OR11A1: variants seen among roughly 807,000 people sequenced by gnomAD.
OR11A1 encodes olfactory receptor family 11 subfamily A member 1.
For missense variants in OR11A1, 380 were observed against 378.2 expected (o/e 1.00, Z -0.04); for synonymous variants, 158 against 152.2 (o/e 1.04, Z -0.28).
intron 1 of OR11A1, among the ~76,000 whole-genome samples, chr6:29,445,109 C>T (rs1045744487): frequency 2.6e-5 from 4 of 152,306 alleles, no homozygotes; most frequent in African/African-American, 9.6e-5. Flanking sequence ...TGGTTTCAAG[C>T]GATTCTCCTG....
chr6:29,439,059 A>G (rs1331578223), intron 1 of OR11A1, among the ~76,000 whole-genome samples: 1 of 152,200 alleles, frequency 6.6e-6, no homozygotes, highest in African/African-American at 2.4e-5. Context: ...ATTCAAGTGT[A>G]TCTTTGGGTG....
At chr6:29,442,859 C>T (rs1451328394) in intron 1 of OR11A1, among the ~76,000 whole-genome samples, 1 of 152,150 alleles carries the variant, frequency 6.6e-6, no homozygotes, top group Non-Finnish European at 1.5e-5. Context: ...AATCTTATCC[C>T]CAAGCTAAAG....
rs927762131 is a variant in OR11A1 at position 29,427,296 on chromosome 6, G to A, written c.346C>T (p.Leu116=). The stretch of plus-strand genomic sequence containing the variant: ...TAGCGGTCATATGCCATGACAGCCA[G>A]CAGTAAGCATTCAGCTGTGGCTAGA... ...GSLATAECLL[L]AVMAYDRYLA... Residue 116 remains leucine (L), a synonymous_variant, in exon 5 of 5, where the codon CTG becomes TTG. Coordinates refer to ENST00000377149, the MANE Select transcript of OR11A1 (RefSeq NM_001394828.1). 1.2e-6 allele frequency: 2 copies of A among 1,613,142 alleles called. No homozygotes were observed. Among genetic ancestry groups the A allele is most frequent in the Non-Finnish European group, 1.7e-6 (2 of 1,180,032 alleles).
rs1248869435 is a variant in OR11A1 at position 29,426,445 on chromosome 6, G to T, written c.*249C>A. The T allele has an allele frequency of 4.2e-6, 2 of 476,474 alleles. No homozygotes were observed. The highest frequency in any genetic ancestry group is 9.8e-5 in the South Asian group (2 of 20,350). 29.5% of individuals were successfully genotyped at this position (476,474 alleles called of 1,614,324 possible). A position where few individuals can be genotyped will look rare whatever the true frequency, so the allele number is the denominator to read the frequency against. On this transcript the variant is annotated 3_prime_UTR_variant, in exon 5 of 5. Coordinates refer to ENST00000377149, the MANE Select transcript of OR11A1 (RefSeq NM_001394828.1). Reference sequence around the variant, plus strand: ...AATGAGTACTAGGCTTAATACCTGGGTGATGAAATAATCTGTACAGTAAAC... The same window carrying T: ...AATGAGTACTAGGCTTAATACCTGGTTGATGAAATAATCTGTACAGTAAAC...
rs765372900 is a variant in OR11A1, at chr6:29,426,464, A to G, written c.*230T>C. 1.2e-4 allele frequency: 62 copies of G among 536,408 alleles called. No homozygotes were observed. The highest frequency in any genetic ancestry group is 1.9e-4 in the Non-Finnish European group (57 of 303,236). The allele number at this position is 536,408 out of a possible 1,614,324, so 33.2% of individuals were successfully genotyped here. A position where few individuals can be genotyped will look rare whatever the true frequency, so the allele number is the denominator to read the frequency against. On this transcript the variant is annotated 3_prime_UTR_variant, in exon 5 of 5. Coordinates refer to ENST00000377149, the MANE Select transcript of OR11A1 (RefSeq NM_001394828.1). ...ACCTGGGTGATGAAATAATCTGTAC[A>G]GTAAACCCCCATGACACAAGTTTAC...
At chr6:29,439,367 G>A (rs1783901266) in intron 1 of OR11A1, 1 of 152,198 alleles carries the variant, frequency 6.6e-6, no homozygotes, top group Non-Finnish European at 1.5e-5. Flanking sequence ...TAAAACTAGA[G>A]AAATGCTCAC....
chr6:29,451,665 C>T (rs1350068563), intron 1 of OR11A1, among the ~76,000 whole-genome samples: 1 of 151,984 alleles, frequency 6.6e-6, no homozygotes, highest in Non-Finnish European at 1.5e-5. Context: ...CAGAATGACT[C>T]AAAAAATAAC....
chr6:29,434,658 CT>C (rs1484144327), intron 1 of OR11A1, among the ~76,000 whole-genome samples: 2 of 152,058 alleles, frequency 1.3e-5, no homozygotes, highest in African/African-American at 4.8e-5. Flanking sequence ...AATCTTAATT[CT>C]TACAGATATT....
chr6:29,448,099 C>A (rs756651152), intron 1 of OR11A1, among the ~76,000 whole-genome samples: 6 of 145,204 alleles, frequency 4.1e-5, no homozygotes, highest in Non-Finnish European at 6.0e-5. Flanking sequence ...TCACTGCAAC[C>A]TCCGCCTCCT....
intron 1 of OR11A1, among the ~76,000 whole-genome samples, chr6:29,434,427 C>T (rs902063770): frequency 3.3e-5 from 5 of 152,120 alleles, no homozygotes; most frequent in Non-Finnish European, 7.4e-5. Flanking sequence ...ACTTTTCTTT[C>T]ACCGTTTCAT....
chr6:29,441,878 C>T (rs1784227085), intron 1 of OR11A1, among the ~76,000 whole-genome samples: 1 of 152,128 alleles, frequency 6.6e-6, no homozygotes, highest in Non-Finnish European at 1.5e-5. Context: ...GAATAATGAC[C>T]TCCAGTTCCA....
chr6:29,452,325 T>C (rs1175940771), intron 1 of OR11A1, among the ~76,000 whole-genome samples: 5 of 151,606 alleles, frequency 3.3e-5, no homozygotes, highest in African/African-American at 1.2e-4. Context: ...CCCTTGAAAC[T>C]AAAATAAAAA....
intron 1 of OR11A1, among the ~76,000 whole-genome samples, chr6:29,438,866 G>A (rs1034203033): frequency 4.6e-5 from 7 of 152,124 alleles, no homozygotes; most frequent in Non-Finnish European, 8.8e-5. Context: ...TGCCTTCACT[G>A]GTTATTTCTC....
At chr6:29,448,974 T>C (rs1255517390) in intron 1 of OR11A1, among the ~76,000 whole-genome samples, 1 of 152,216 alleles carries the variant, frequency 6.6e-6, no homozygotes, top group Non-Finnish European at 1.5e-5. Context: ...CTAATCAATA[T>C]GCCTTAAAAC....
intron 1 of OR11A1, among the ~76,000 whole-genome samples, chr6:29,441,870 A>G (rs1784226506): frequency 6.6e-6 from 1 of 152,200 alleles, no homozygotes; most frequent in African/African-American, 2.4e-5. Flanking sequence ...TTTGCTTAGA[A>G]TAATGACCTC....
chr6:29,435,623 C>G (rs376363291), intron 1 of OR11A1, among the ~76,000 whole-genome samples: 301 of 152,254 alleles, frequency 2.0e-3, no homozygotes, highest in Non-Finnish European at 3.3e-3. Context: ...TGTTCAATCT[C>G]TTATCTTTGA....
At chr6:29,427,869 A>C (rs1431462139) in intron 4 of OR11A1, 137 bp from the exon 5 acceptor site, 6 of 691,190 alleles carry the variant, frequency 8.7e-6, no homozygotes, top group Non-Finnish European at 1.4e-5. Context: ...TTAATTGTGC[A>C]TATTCTTTAA....
At chr6:29,448,859 T>C (rs184348029) in intron 1 of OR11A1, among the ~76,000 whole-genome samples, 2 of 152,352 alleles carry the variant, frequency 1.3e-5, no homozygotes, top group East Asian at 3.9e-4. Context: ...GAAGTACTCA[T>C]GTTTTTTATG....
At chr6:29,434,237 C>A (rs1425494224) in intron 1 of OR11A1, among the ~76,000 whole-genome samples, 1 of 152,018 alleles carries the variant, frequency 6.6e-6, no homozygotes, top group Non-Finnish European at 1.5e-5. Flanking sequence ...GAAATCTTGC[C>A]CATACCAACG....
Sources: gnomAD v4.1 joint callset for allele counts (sites outside exome capture counted in the v4.1 genomes callset) on GRCh38, gnomAD v4.1.1 for gene constraint, MANE v1.5 for transcripts, NCBI Gene and HGNC (gene_info 2026-07-23, HGNC 2026-07-21) for gene names.